The following ANXA11 variants were observed in gnomAD, a reference collection of about 807,000 sequenced individuals.
The protein encoded by ANXA11 is annexin A11, also known as 56 kDa autoantigen.
A neutral mutation model predicts 64.7 loss-of-function variants in ANXA11; 57 were observed. The ratio of observed to expected loss-of-function variants is 0.88; its 90% CI spans 0.71 to 1.10. The LOEUF (loss-of-function observed/expected upper bound fraction) is 1.10. ANXA11 is among the 50% of genes least tolerant of loss of function. ANXA11 has a pLI of 0.00. For missense variants in ANXA11, 675 were observed against 670.7 expected (o/e 1.01, Z -0.07); for synonymous variants, 260 against 265.2 (o/e 0.98, Z 0.19).
At chr10:80,194,076 T>G (rs377400256) in intron 1 of ANXA11, among the ~76,000 whole-genome samples, 1 of 152,140 alleles carries the variant, frequency 6.6e-6, no homozygotes, top group African/African-American at 2.4e-5. Flanking sequence ...AACAGGCATA[T>G]ATTTTTTAGG....
In ANXA11 at chr10:80,153,917, C is replaced by G. The variant is rs905324986; in HGVS notation, c.*1936G>C. 1 of 152,276 alleles carries G rather than the reference C, an allele frequency of 6.6e-6. No homozygotes were observed. Among genetic ancestry groups the G allele is most frequent in the Non-Finnish European group, 1.5e-5 (1 of 68,108 alleles). The allele number at this position is 152,276 out of a possible 1,614,324, so 9.4% of individuals were successfully genotyped here. A position where few individuals can be genotyped will look rare whatever the true frequency, so the allele number is the denominator to read the frequency against. The stretch of plus-strand genomic sequence containing the variant: ...CAGCAGGCTTGATCTAGCCTAGTCT[C>G]TCTGGATTCTCCCATTTCTTTTTGT... On this transcript the variant is annotated 3_prime_UTR_variant, in exon 16 of 16. Coordinates refer to ENST00000422982, the MANE Select transcript of ANXA11 (RefSeq NM_145868.2).
At chr10:80,185,963 T>C (rs888637680) in intron 1 of ANXA11, among the ~76,000 whole-genome samples, 6 of 152,172 alleles carry the variant, frequency 3.9e-5, no homozygotes, top group African/African-American at 1.4e-4. Context: ...TGAAACTTCA[T>C]TACATACTTC....
chr10:80,178,714 G>C (rs1027071899), intron 1 of ANXA11, among the ~76,000 whole-genome samples: 8 of 152,242 alleles, frequency 5.3e-5, no homozygotes, highest in Admixed American at 3.3e-4. Context: ...GGCCCAAAAA[G>C]TTGCATTTCC....
chr10:80,163,158 T>C (rs561702274), intron 11 of ANXA11, among the ~76,000 whole-genome samples, 191 bp downstream of exon 11: 29 of 152,016 alleles, frequency 1.9e-4, no homozygotes, highest in African/African-American at 6.3e-4. Context: ...GTGGGGAAGC[T>C]GAAGCCCTGG....
chr10:80,167,646 C>T (rs1845801247), intron 5 of ANXA11, among the ~76,000 whole-genome samples: 1 of 152,206 alleles, frequency 6.6e-6, no homozygotes, highest in Non-Finnish European at 1.5e-5. Context: ...GGAGCAGGGG[C>T]TGTGGCCTCT....
intron 12 of ANXA11, 80 bp downstream of exon 12, chr10:80,161,855 T>C: frequency 8.0e-7 from 1 of 1,254,566 alleles, no homozygotes; most frequent in South Asian, 1.2e-5. Context: ...AACGACCAAG[T>C]GTTCCCATAG....
At chr10:80,170,693 G>T in intron 4 of ANXA11, 107 bp downstream of exon 4, 1 of 847,838 alleles carries the variant, frequency 1.2e-6, no homozygotes, top group Non-Finnish European at 1.7e-6. Flanking sequence ...ACACACCACA[G>T]CAACACACAC....
intron 1 of ANXA11, among the ~76,000 whole-genome samples, chr10:80,201,044 C>T (rs890208729): frequency 2.6e-5 from 4 of 152,178 alleles, no homozygotes; most frequent in Non-Finnish European, 5.9e-5. Context: ...GAATCAAACA[C>T]TCCCTCAACG....
intron 11 of ANXA11, 114 bp downstream of exon 11, chr10:80,163,235 G>T: frequency 8.4e-7 from 1 of 1,195,144 alleles, no homozygotes; most frequent in Non-Finnish European, 1.2e-6. Context: ...CACAGCATCT[G>T]CAACCCACTG....
At chr10:80,173,792 G>A (rs1846067707) in intron 2 of ANXA11, among the ~76,000 whole-genome samples, 2 of 152,184 alleles carry the variant, frequency 1.3e-5, no homozygotes, top group African/African-American at 2.4e-5. Context: ...ACACCTGCTC[G>A]TCTCGAGTAT....
rs11201972 is a variant in ANXA11 at position 80,172,924 on chromosome 10, C to T, written c.-8-55G>A. On this transcript the variant is annotated intron_variant, in intron 2 of 15. Coordinates refer to ENST00000422982, the MANE Select transcript of ANXA11 (RefSeq NM_145868.2). ...CTCTGCCTGAGAGCCCCTGCTGGCC[C>T]GTGGGACCCAGCTTCTTGAAAGGGC... 0.14 allele frequency: 214,722 copies of T among 1,544,744 alleles called. 16,141 individuals carry two copies. The highest frequency in any genetic ancestry group is 0.25 in the Admixed American group (14,523 of 58,580).
In ANXA11 at chr10:80,205,112, G is replaced by A. The variant is rs147286383; in HGVS notation, c.-58+231C>T. Among the ~76,000 whole-genome samples, 477 of 152,194 alleles carry A rather than the reference G, an allele frequency of 3.1e-3. 7 individuals carry two copies. Among genetic ancestry groups the A allele is most frequent in the East Asian group, 0.016 (84 of 5,146 alleles). ...GAGTGCACCCCGACCACACATGAGG[G>A]AGCAGCCCCAGACGCCGAGGCTGAT... is the stretch of plus-strand genomic sequence containing the variant. On this transcript the variant is annotated intron_variant, in intron 1 of 15. Coordinates refer to ENST00000422982, the MANE Select transcript of ANXA11 (RefSeq NM_145868.2).
chr10:80,162,007 T>C lies in ANXA11; in HGVS notation c.1108A>G (p.Asn370Asp). The C allele has an allele frequency of 6.2e-7, 1 of 1,611,652 alleles. No individual in the cohort carries two copies. The highest frequency in any genetic ancestry group is 8.5e-7 in the Non-Finnish European group (1 of 1,179,696). The part of the protein sequence containing the change: ...DAQELYAAGE[N>D]RLGTDESKFN... ...TTGGACTCGTCTGTTCCCAGGCGGTTCTCCCCGGCCGCATACAGCTCCTGG... is the reference window on the plus strand; with the variant it reads ...TTGGACTCGTCTGTTCCCAGGCGGTCCTCCCCGGCCGCATACAGCTCCTGG... Residue 370 changes from asparagine (N) to aspartate (D), a missense_variant, in exon 12 of 16, where the codon AAC becomes GAC. By Grantham distance (23) the Asn-to-Asp change is conservative. Coordinates refer to ENST00000422982, the MANE Select transcript of ANXA11 (RefSeq NM_145868.2).
At chr10:80,192,981 T>C (rs571931374) in intron 1 of ANXA11, among the ~76,000 whole-genome samples, 15 of 152,158 alleles carry the variant, frequency 9.9e-5, no homozygotes, top group African/African-American at 2.7e-4. Context: ...ATAAAATATA[T>C]AGGATCTAGG....
At chr10:80,205,155 C>T (rs1006685927) in intron 1 of ANXA11, among the ~76,000 whole-genome samples, 188 bp downstream of exon 1, 2 of 152,080 alleles carry the variant, frequency 1.3e-5, no homozygotes, top group Non-Finnish European at 2.9e-5. Flanking sequence ...GCTGCCAGGC[C>T]GACACGGCCC....
intron 8 of ANXA11, among the ~76,000 whole-genome samples, chr10:80,164,579 G>A (rs138432065): frequency 2.6e-5 from 4 of 152,318 alleles, no homozygotes; most frequent in East Asian, 1.9e-4. Flanking sequence ...AGGGGATGGT[G>A]GAATGTCTGA....
intron 12 of ANXA11, among the ~76,000 whole-genome samples, chr10:80,160,184 C>A (rs1009590832): frequency 1.3e-5 from 2 of 152,244 alleles, no homozygotes; most frequent in Non-Finnish European, 2.9e-5. Context: ...ATCAGCTACT[C>A]TTTTCTCCTA....
chr10:80,155,673 T>C lies in ANXA11; in HGVS notation c.*180A>G. The C allele has an allele frequency of 1.5e-6, 1 of 651,256 alleles. No homozygotes were observed. Among genetic ancestry groups the C allele is most frequent in the Non-Finnish European group, 2.7e-6 (1 of 369,266 alleles). The allele number at this position is 651,256 out of a possible 1,614,324, so 40.3% of individuals were successfully genotyped here. A position where few individuals can be genotyped will look rare whatever the true frequency, so the allele number is the denominator to read the frequency against. On this transcript the variant is annotated 3_prime_UTR_variant, in exon 16 of 16. Transcript: ENST00000422982. ...TAGAAAAGGCATCCTGAGAGAGTTC[T>C]AGACCGACCCAGGTCCTGTGGCACA... is the stretch of plus-strand genomic sequence containing the variant.
chr10:80,167,127 G>A, intron 6 of ANXA11, 99 bp downstream of exon 6: 1 of 1,350,408 alleles, frequency 7.4e-7, no homozygotes, highest in Non-Finnish European at 1.0e-6. Flanking sequence ...CTGGGGCCAG[G>A]TCAGCGTCCC....
Sources: allele counts gnomAD v4.1 joint callset (sites outside exome capture counted in the v4.1 genomes callset), GRCh38; gene constraint gnomAD v4.1.1; transcripts MANE v1.5; gene names NCBI Gene and HGNC (gene_info 2026-07-23, HGNC 2026-07-21).